Variants in SOX7 observed in about 807,000 individuals in gnomAD.
The protein encoded by SOX7 is SRY-box transcription factor 7, also known as transcription factor SOX-7.
A neutral mutation model predicts 24.9 loss-of-function variants in SOX7; 19 were observed. That is an observed-to-expected ratio of 0.76 (90% confidence interval 0.53 to 1.12). The LOEUF (loss-of-function observed/expected upper bound fraction) is 1.12, where lower values mean the gene tolerates loss of function less well. Among genes scored for constraint, SOX7 ranks in the 50% most tolerant of loss-of-function variants. The pLI is 0.00. For missense variants in SOX7, 702 were observed against 535.0 expected (o/e 1.31, Z -3.08); for synonymous variants, 327 against 244.5 (o/e 1.34, Z -3.15).
rs545508747 is a variant in SOX7, at chr8:10,723,804, G to A, written c.*1934C>T. ...AAATGTTTATTTAAATTAAATATTT[G>A]CAACAAATTAATATTGACAACTGTT... On this transcript the variant is annotated 3_prime_UTR_variant, in exon 2 of 2. Transcript: ENST00000304501. 6.6e-6 allele frequency: 1 copy of A among 152,668 alleles called. No individual in the cohort carries two copies. The highest frequency in any genetic ancestry group is 2.1e-4 in the South Asian group (1 of 4,824). The allele number at this position is 152,668 out of a possible 1,614,324, so 9.5% of individuals were successfully genotyped here. A position where few individuals can be genotyped will look rare whatever the true frequency, so the allele number is the denominator to read the frequency against.
Position 10,730,483 on chromosome 8 carries a change from G to A in SOX7, c.-50C>T, listed in dbSNP as rs112398503. The stretch of plus-strand genomic sequence containing the variant: ...CGCCTGGCGGGGCAGGCGCGGACCT[G>A]GCCCTCGCACGGGTCGGGGCGTCCA... On this transcript the variant is annotated 5_prime_UTR_variant, in exon 1 of 2. Coordinates refer to ENST00000304501, the MANE Select transcript of SOX7 (RefSeq NM_031439.4). This position sits in a 1 kb window ranked among gnomAD's most constrained non-coding sequence, Gnocchi z 4.8. 9.6e-5 allele frequency: 128 copies of A among 1,329,628 alleles called. No individual in the cohort carries two copies. The African/African-American group carries it at 1.6e-3, about 16-fold the overall frequency. The allele number at this position is 1,329,628 out of a possible 1,614,324, so 82.4% of individuals were successfully genotyped here.
chr8:10,726,085 C>G lies in SOX7; in HGVS notation c.820G>C (p.Val274Leu). ...QSPGVSMMSP[V>L]PGCPPSPAYY... is the part of the protein sequence containing the mutation. ...GCAGGAGATGGGGGACAGCCGGGTA[C>G]AGGGGACATCATGGAGACGCCGGGG... The change falls in exon 2 of 2, where the codon GTA (valine) becomes CTA (leucine). Residue 274 changes from valine to leucine, a missense_variant. Coordinates refer to ENST00000304501, the MANE Select transcript of SOX7 (RefSeq NM_031439.4). 1 of 1,564,990 alleles carries G rather than the reference C, an allele frequency of 6.4e-7. No homozygotes were observed. Among genetic ancestry groups the G allele is most frequent in the South Asian group, 1.2e-5 (1 of 81,296 alleles).
Position 10,730,350 on chromosome 8 carries a change from CG to C in SOX7, c.83del (p.Ser28CysfsTer22), listed in dbSNP as rs1296945816. The C allele has an allele frequency of 6.4e-7, 1 of 1,564,404 alleles. No homozygotes were observed. ...ALDAELSDGQ[S>X]PPAVPRPPGD... ...CCGGGGGCCGGGGGACGGCCGGCGG[CG>C]ATTGTCCATCCGACAGCTCGGCGTC... On this transcript the variant is annotated frameshift_variant, in exon 1 of 2. Coordinates refer to ENST00000304501, the MANE Select transcript of SOX7 (RefSeq NM_031439.4). LOFTEE classifies it high-confidence loss of function. This position sits in a 1 kb window ranked among gnomAD's most constrained non-coding sequence, Gnocchi z 4.8.
rs1800111468 is a variant in SOX7 at position 10,724,907 on chromosome 8, A to G, written c.*831T>C. The G allele has an allele frequency of 6.6e-6, 1 of 152,022 alleles. No individual in the cohort carries two copies. The highest frequency in any genetic ancestry group is 1.5e-5 in the Non-Finnish European group (1 of 68,032). 9.4% of individuals were successfully genotyped at this position (152,022 alleles called of 1,614,324 possible). ...CCAGCAAATTTTGTATTTTTCATAG[A>G]GACAAGGTTTCACCATGTTGTCTAG... On this transcript the variant is annotated 3_prime_UTR_variant, in exon 2 of 2. Coordinates refer to ENST00000304501, the MANE Select transcript of SOX7 (RefSeq NM_031439.4).
rs1800134762 is a variant in SOX7 at position 10,725,807 on chromosome 8, T to C, written c.1098A>G (p.Thr366=). 1 of 1,614,156 alleles carries C rather than the reference T, an allele frequency of 6.2e-7. No homozygotes were observed. The highest frequency in any genetic ancestry group is 1.1e-5 in the South Asian group (1 of 91,072). ...CCAGGACGGAGATGAGGCTGGTCTC[T>C]GTGGGACCCGTTGGTGTCACCTGGG... ...PVSQVTPTGP[T]ETSLISVLAD... is the part of the protein sequence containing the mutation. Residue 366 remains threonine (T), a synonymous_variant, in exon 2 of 2, where the codon ACA becomes ACG. Transcript: ENST00000304501.
intron 1 of SOX7, 128 bp from the exon 2 acceptor site, chr8:10,726,794 CG>C (rs1475093291): frequency 2.4e-6 from 2 of 846,676 alleles, no homozygotes. Context: ...ACAGAGGACA[CG>C]GGCATCTCTT....
In SOX7 at chr8:10,725,904, T is replaced by C. The variant is rs1352047350; in HGVS notation, c.1001A>G (p.Gln334Arg). The C allele has an allele frequency of 1.2e-6, 2 of 1,614,138 alleles. No individual in the cohort carries two copies. The highest frequency in any genetic ancestry group is 4.5e-5 in the East Asian group (2 of 44,854). The change falls in exon 2 of 2, where the codon CAG (glutamine) becomes CGG (arginine). Residue 334 changes from glutamine (Q) to arginine (R), a missense_variant. Gln to Arg is a conservative substitution (Grantham distance 43). Coordinates refer to ENST00000304501, the MANE Select transcript of SOX7 (RefSeq NM_031439.4). ...TGGGTGGCCAGGAGTGTTCAAATACTGGTCGAATTCATTGCGATCCATGTC... is the reference window on the plus strand; with the variant it reads ...TGGGTGGCCAGGAGTGTTCAAATACCGGTCGAATTCATTGCGATCCATGTC... ...LGDMDRNEFD[Q>R]YLNTPGHPDS...
chr8:10,727,721 T>C (rs751474582), intron 1 of SOX7, among the ~76,000 whole-genome samples: 1 of 152,216 alleles, frequency 6.6e-6, no homozygotes, highest in African/African-American at 2.4e-5. Flanking sequence ...CTTGGGTTGC[T>C]TTGCTACCTC....
rs539110528 is a variant in SOX7, at chr8:10,727,593, T to C, written c.239-927A>G. On this transcript the variant is annotated intron_variant, in intron 1 of 1. Coordinates refer to ENST00000304501, the MANE Select transcript of SOX7 (RefSeq NM_031439.4). ...TATGCTGGCTGCGCTTGATCTTCTATTCACCATTGCTTGCTTGTCTGTTGC... is the reference window on the plus strand; with the variant it reads ...TATGCTGGCTGCGCTTGATCTTCTACTCACCATTGCTTGCTTGTCTGTTGC... 2.0e-5 allele frequency among the ~76,000 whole-genome samples: 3 copies of C among 152,328 alleles called. No homozygotes were observed. In the South Asian group the frequency reaches 6.2e-4, roughly 32 times the overall value.
rs748726481 is a variant in SOX7 at position 10,726,147 on chromosome 8, C to T, written c.758G>A (p.Cys253Tyr). Residue 253 changes from cysteine (C) to tyrosine (Y), a missense_variant, in exon 2 of 2, where the codon TGT becomes TAT. Transcript: ENST00000304501. ...SPEYAPSPLH[C>Y]SHPLGSLALG... ...GGCCAGGGAGCCCAGGGGGTGGCTA[C>T]AGTGGAGAGGGCTTGGGGCGTACTC... The T allele has an allele frequency of 3.8e-6, 6 of 1,594,624 alleles. No individual in the cohort carries two copies. The Admixed American group carries it at 8.6e-5, about 23-fold the overall frequency.
chr8:10,724,758 T>C lies in SOX7; in HGVS notation c.*980A>G, dbSNP rs964912138. ...TTTTCTTGAAATGGAGTTTCACTCT[T>C]GTTGCACAGGCTGGAGTGCAATGGT... On this transcript the variant is annotated 3_prime_UTR_variant, in exon 2 of 2. Coordinates refer to ENST00000304501, the MANE Select transcript of SOX7 (RefSeq NM_031439.4). The C allele has an allele frequency of 6.6e-6, 1 of 151,960 alleles. No homozygotes were observed. The highest frequency in any genetic ancestry group is 1.5e-5 in the Non-Finnish European group (1 of 68,010). 9.4% of individuals were successfully genotyped at this position (151,960 alleles called of 1,614,324 possible). A position where few individuals can be genotyped will look rare whatever the true frequency, so the allele number is the denominator to read the frequency against.
rs1381752140 is a variant in SOX7, at chr8:10,723,998, A to G, written c.*1740T>C. 1 of 152,472 alleles carries G rather than the reference A, an allele frequency of 6.6e-6. No individual in the cohort carries two copies. Among genetic ancestry groups the G allele is most frequent in the Non-Finnish European group, 1.5e-5 (1 of 68,036 alleles). The allele number at this position is 152,472 out of a possible 1,614,324, so 9.4% of individuals were successfully genotyped here. A position where few individuals can be genotyped will look rare whatever the true frequency, so the allele number is the denominator to read the frequency against. ...CATATAAAGTAATAGCATAAAGAGT[A>G]ATCATACCTTATAAGTGATTTTACA... On this transcript the variant is annotated 3_prime_UTR_variant, in exon 2 of 2. Coordinates refer to ENST00000304501, the MANE Select transcript of SOX7 (RefSeq NM_031439.4).
Position 10,725,753 on chromosome 8 carries a change from G to A in SOX7, c.1152C>T (p.Ser384=). The change falls in exon 2 of 2, where the codon AGC becomes AGT. Residue 384 remains serine, a synonymous_variant. Coordinates refer to ENST00000304501, the MANE Select transcript of SOX7 (RefSeq NM_031439.4). Reference sequence around the variant, plus strand: ...GCCTCCAGCTCTATGACACACTGTAGCTGTTGTAGTACGTGGCCGTGGCAT... The same window carrying A: ...GCCTCCAGCTCTATGACACACTGTAACTGTTGTAGTACGTGGCCGTGGCAT... ...LADATATYYN[S]YSVS is the part of the protein sequence containing the mutation. 1 of 1,614,198 alleles carries A rather than the reference G, an allele frequency of 6.2e-7. No homozygotes were observed. The highest frequency in any genetic ancestry group is 1.1e-5 in the South Asian group (1 of 91,086).
Position 10,725,831 on chromosome 8 carries a change from G to A in SOX7, c.1074C>T (p.Ser358=), listed in dbSNP as rs142768920. The A allele has an allele frequency of 1.2e-6, 2 of 1,614,226 alleles. No individual in the cohort carries two copies. Among genetic ancestry groups the A allele is most frequent in the Admixed American group, 1.7e-5 (1 of 60,032 alleles). The change falls in exon 2 of 2, where the codon TCC becomes TCT. Residue 358 remains serine, a synonymous_variant. Coordinates refer to ENST00000304501, the MANE Select transcript of SOX7 (RefSeq NM_031439.4). ...AMALSGHVPV[S]QVTPTGPTET... ...CTGTGGGACCCGTTGGTGTCACCTG[G>A]GAGACCGGAACATGCCCACTGAGGG...
Position 10,730,403 on chromosome 8 carries a change from G to C in SOX7, c.31C>G (p.Pro11Ala). 1 of 1,506,044 alleles carries C rather than the reference G, an allele frequency of 6.6e-7. No homozygotes were observed. The highest frequency in any genetic ancestry group is 8.8e-7 in the Non-Finnish European group (1 of 1,133,986). The allele number at this position is 1,506,044 out of a possible 1,614,324, so 93.3% of individuals were successfully genotyped here. A position where few individuals can be genotyped will look rare whatever the true frequency, so the allele number is the denominator to read the frequency against. The change falls in exon 1 of 2, where the codon CCC (proline) becomes GCC (alanine). Residue 11 changes from proline (P) to alanine (A), a missense_variant. By Grantham distance (27) the Pro-to-Ala change is conservative. Transcript: ENST00000304501. The surrounding 1 kb of genome is among the most constrained non-coding windows in gnomAD (Gnocchi z 4.8). The part of the protein sequence containing the change: MASLLGAYPW[P>A]EGLECPALDA... ...AGGGCCGGGCACTCGAGACCCTCGG[G>C]CCAAGGGTAGGCTCCCAGCAGCGAA... is the stretch of plus-strand genomic sequence containing the variant.
rs1297972130 is a variant in SOX7 at position 10,723,927 on chromosome 8, ATCAG to A, written c.*1807_*1810del. The A allele has an allele frequency of 6.6e-6, 1 of 152,654 alleles. No individual in the cohort carries two copies. The highest frequency in any genetic ancestry group is 1.9e-4 in the East Asian group (1 of 5,202). The allele number at this position is 152,654 out of a possible 1,614,324, so 9.5% of individuals were successfully genotyped here. A position where few individuals can be genotyped will look rare whatever the true frequency, so the allele number is the denominator to read the frequency against. On this transcript the variant is annotated 3_prime_UTR_variant, in exon 2 of 2. Coordinates refer to ENST00000304501, the MANE Select transcript of SOX7 (RefSeq NM_031439.4). ...TATTCATACATGCTCTGGACTGCGC[ATCAG>A]TCAATCATATCATCAACAATTTACT...
At chr8:10,726,739 C>A in intron 1 of SOX7, 73 bp from the exon 2 acceptor site, 1 of 1,305,030 alleles carries the variant, frequency 7.7e-7, no homozygotes, top group South Asian at 1.4e-5. Context: ...CACGCGTGCA[C>A]ACACACGTGC....
Position 10,725,598 on chromosome 8 carries a change from C to CCA in SOX7, c.*138_*139dup, listed in dbSNP as rs1800128658. On this transcript the variant is annotated 3_prime_UTR_variant, in exon 2 of 2. Transcript: ENST00000304501. ...TCGGATAAGGAGAGTCCAGCTTAGG[C>CCA]CAAAGGCTCTGGGGCCGCAGTTCAG... The CCA allele has an allele frequency of 2.3e-6, 2 of 865,462 alleles. No homozygotes were observed. Among genetic ancestry groups the CCA allele is most frequent in the African/African-American group, 1.7e-5 (1 of 59,642 alleles). 53.6% of individuals were successfully genotyped at this position (865,462 alleles called of 1,614,324 possible).
At position 10,725,671 on chromosome 8, in the gene SOX7, C is replaced by T. The variant is rs1800130684; in HGVS notation, c.*67G>A. On this transcript the variant is annotated 3_prime_UTR_variant, in exon 2 of 2. Transcript: ENST00000304501. ...GAGGAAAGCTGGTGTGGCTGGACGG[C>T]TCCTCTGCCACTCAAGGCACAAGAA... 11 of 1,553,924 alleles carry T rather than the reference C, an allele frequency of 7.1e-6. No individual in the cohort carries two copies. The highest frequency in any genetic ancestry group is 1.1e-5 in the South Asian group (1 of 88,180).
Sources: gnomAD v4.1 joint callset for allele counts (sites outside exome capture counted in the v4.1 genomes callset) on GRCh38, gnomAD v4.1.1 for gene constraint, Gnocchi (gnomAD v3.1) non-coding constraint, MANE v1.5 for transcripts, NCBI Gene and HGNC (gene_info 2026-07-23, HGNC 2026-07-21) for gene names.